Variants in FBXO28 observed in about 807,000 individuals in gnomAD.
FBXO28 encodes the protein F-box protein 28.
Under a neutral mutation model 38.1 loss-of-function variants are expected in FBXO28, and 8 were observed. That is an observed-to-expected ratio of 0.21 (90% CI 0.12 to 0.38). FBXO28 has a LOEUF of 0.38. FBXO28 is among the 10% of genes least tolerant of loss of function. FBXO28 has a pLI of 1.00. For synonymous variants in FBXO28, 168 were observed against 173.8 expected (o/e 0.97, Z 0.26); for missense variants, 345 against 460.6 (o/e 0.75, Z 2.30).
chr1:224,114,264 C>A lies in FBXO28; in HGVS notation c.135C>A (p.Ser45=). The change falls in exon 1 of 5, where the codon TCC becomes TCA. Residue 45 remains serine, a synonymous_variant. Coordinates refer to ENST00000366862, the MANE Select transcript of FBXO28 (RefSeq NM_015176.4). ...PPAPQHPQPG[S]QALPAPALAP... Reference sequence around the variant, plus strand: ...CGCCACAGCACCCGCAGCCGGGGTCCCAGGCGCTCCCAGCCCCCGCGCTGG... The same window carrying A: ...CGCCACAGCACCCGCAGCCGGGGTCACAGGCGCTCCCAGCCCCCGCGCTGG... The A allele has an allele frequency of 6.4e-7, 1 of 1,555,472 alleles. No individual in the cohort carries two copies. The highest frequency in any genetic ancestry group is 2.4e-5 in the East Asian group (1 of 41,634).
intron 2 of FBXO28, 61 bp downstream of exon 2, chr1:224,130,642 T>G (rs540659503): frequency 5.4e-6 from 6 of 1,116,636 alleles, no homozygotes; most frequent in African/African-American, 4.6e-5. Flanking sequence ...CTTGACTTCT[T>G]TTTTTCAGTC....
chr1:224,136,254 G>A (rs371003611), intron 3 of FBXO28, among the ~76,000 whole-genome samples: 2 of 151,712 alleles, frequency 1.3e-5, no homozygotes, highest in East Asian at 1.9e-4. Context: ...TACTTCTCAT[G>A]CTTAAACTTT....
At chr1:224,139,571 G>T (rs189542984) in intron 3 of FBXO28, among the ~76,000 whole-genome samples, 1 of 151,040 alleles carries the variant, frequency 6.6e-6, no homozygotes, top group Non-Finnish European at 1.5e-5. Flanking sequence ...GTGAAACCCC[G>T]TCTCTACTAA....
chr1:224,116,418 C>G (rs1170725491), intron 1 of FBXO28, among the ~76,000 whole-genome samples: 2 of 152,142 alleles, frequency 1.3e-5, no homozygotes. Context: ...CCATTTATAC[C>G]TAAAGAATCG....
intron 1 of FBXO28, among the ~76,000 whole-genome samples, chr1:224,127,496 G>A (rs2896985): frequency 0.38 from 58,057 of 151,864 alleles, 11,357 homozygotes; most frequent in East Asian, 0.57. Context: ...GTTACTTTTC[G>A]TTAAAAGCAG....
At chr1:224,145,435 A>G (rs906397919) in intron 3 of FBXO28, among the ~76,000 whole-genome samples, 2 of 151,928 alleles carry the variant, frequency 1.3e-5, no homozygotes, top group South Asian at 2.1e-4. Flanking sequence ...ATTACATGTC[A>G]TTTCACTTAA....
intron 3 of FBXO28, among the ~76,000 whole-genome samples, chr1:224,143,486 G>A (rs1657416224): frequency 6.6e-6 from 1 of 152,074 alleles, no homozygotes; most frequent in East Asian, 1.9e-4. Flanking sequence ...TGCTAGGATG[G>A]GCTCCAGCCA....
chr1:224,114,270 G>A lies in FBXO28; in HGVS notation c.141G>A (p.Ala47=). 1.9e-6 allele frequency: 3 copies of A among 1,556,278 alleles called. No homozygotes were observed. Among genetic ancestry groups the A allele is most frequent in the Non-Finnish European group, 1.7e-6 (2 of 1,150,122 alleles). Residue 47 remains alanine, a synonymous_variant, in exon 1 of 5, where the codon GCG becomes GCA. Transcript: ENST00000366862. The stretch of plus-strand genomic sequence containing the variant: ...AGCACCCGCAGCCGGGGTCCCAGGC[G>A]CTCCCAGCCCCCGCGCTGGCTCCGG... ...APQHPQPGSQ[A]LPAPALAPDQ... is the part of the protein sequence containing the mutation.
intron 3 of FBXO28, among the ~76,000 whole-genome samples, chr1:224,152,330 A>C (rs545131407): frequency 6.6e-6 from 1 of 152,330 alleles, no homozygotes; most frequent in South Asian, 2.1e-4. Flanking sequence ...GGCAGTATTA[A>C]AAAGAGCAGA....
chr1:224,139,752 A>ACATGCATGCATG (rs56730196), intron 3 of FBXO28, among the ~76,000 whole-genome samples: 26 of 109,732 alleles, frequency 2.4e-4, no homozygotes, highest in East Asian at 7.7e-4. Flanking sequence ...ATAAATACAT[A>ACATGCATGCATG]CATGCATGCA....
At chr1:224,115,577 ACAG>A (rs1488812063) in intron 1 of FBXO28, among the ~76,000 whole-genome samples, 1 of 152,198 alleles carries the variant, frequency 6.6e-6, no homozygotes, top group Non-Finnish European at 1.5e-5. Flanking sequence ...TCTAGTCAAC[ACAG>A]CAGTTCAACC....
intron 1 of FBXO28, among the ~76,000 whole-genome samples, chr1:224,122,335 C>A (rs1386931897): frequency 1.3e-5 from 2 of 152,070 alleles, no homozygotes; most frequent in Admixed American, 1.3e-4. Context: ...TGCATCTATC[C>A]CAGGAACATT....
At chr1:224,126,673 G>A (rs913454087) in intron 1 of FBXO28, among the ~76,000 whole-genome samples, 2 of 152,164 alleles carry the variant, frequency 1.3e-5, no homozygotes, top group African/African-American at 4.8e-5. Flanking sequence ...AGCCAGGTGT[G>A]GTGGCAGGCG....
intron 3 of FBXO28, among the ~76,000 whole-genome samples, chr1:224,142,048 T>C (rs1035523730): frequency 1.4e-4 from 21 of 148,984 alleles, no homozygotes; most frequent in East Asian, 1.2e-3. Flanking sequence ...CATTAAATTT[T>C]TTTTTTTTTT....
chr1:224,127,204 GTGTGTTTA>G (rs1263287207), intron 1 of FBXO28, among the ~76,000 whole-genome samples: 5 of 145,040 alleles, frequency 3.4e-5, no homozygotes, highest in African/African-American at 1.3e-4. Flanking sequence ...GTGTGTGTGT[GTGTGTTTA>G]TGTTTGGCAC....
At chr1:224,153,360 C>A in intron 4 of FBXO28, 23 bp downstream of exon 4, 1 of 1,515,344 alleles carries the variant, frequency 6.6e-7, no homozygotes, top group Non-Finnish European at 8.9e-7. Context: ...TATAATCATG[C>A]TTGTACATAA....
At chr1:224,143,209 A>C (rs910205889) in intron 3 of FBXO28, among the ~76,000 whole-genome samples, 3 of 144,598 alleles carry the variant, frequency 2.1e-5, no homozygotes, top group African/African-American at 5.2e-5. Context: ...ACAGAGTGAG[A>C]CTCTGTCTCA....
At chr1:224,152,311 G>A (rs764458485) in intron 3 of FBXO28, among the ~76,000 whole-genome samples, 14 of 152,156 alleles carry the variant, frequency 9.2e-5, no homozygotes, top group Non-Finnish European at 1.6e-4. Flanking sequence ...AAGGGATAGA[G>A]CACATGGGGG....
chr1:224,159,789 A>C lies in FBXO28; in HGVS notation c.*2043A>C, dbSNP rs1657857406. On this transcript the variant is annotated 3_prime_UTR_variant, in exon 5 of 5. Coordinates refer to ENST00000366862, the MANE Select transcript of FBXO28 (RefSeq NM_015176.4). ...ATGCATCAAAGGGATACAGCCCCAG[A>C]CTGTTTCTTTAATGGTCATTCATGA... 6.6e-6 allele frequency: 1 copy of C among 152,114 alleles called. No homozygotes were observed. The highest frequency in any genetic ancestry group is 2.4e-5 in the African/African-American group (1 of 41,418). The allele number at this position is 152,114 out of a possible 1,614,324, so 9.4% of individuals were successfully genotyped here. A position where few individuals can be genotyped will look rare whatever the true frequency, so the allele number is the denominator to read the frequency against.
Sources: allele counts gnomAD v4.1 joint callset (sites outside exome capture counted in the v4.1 genomes callset), GRCh38; gene constraint gnomAD v4.1.1; transcripts MANE v1.5; gene names NCBI Gene and HGNC (gene_info 2026-07-23, HGNC 2026-07-21).